The following DTNB variants were observed in gnomAD, a reference collection of about 807,000 sequenced individuals.
DTNB encodes dystrobrevin beta.
DTNB carries 63 observed loss-of-function variants against 90.7 expected under a neutral mutation model. The ratio of observed to expected loss-of-function variants is 0.69; its 90% CI spans 0.57 to 0.86. DTNB has a LOEUF of 0.86. Ranked by LOEUF, DTNB falls within the 40% of genes least tolerant of loss-of-function variation. The pLI is 0.00. For synonymous variants in DTNB, 277 were observed against 286.7 expected, an observed-to-expected ratio of 0.97 and a Z score of 0.34; for missense variants, 744 against 807.1, an observed-to-expected ratio of 0.92 and a Z score of 0.95.
chr2:25,601,116 ACAAT>A (rs1482436437), intron 5 of DTNB, among the ~76,000 whole-genome samples: 2 of 152,232 alleles, frequency 1.3e-5, no homozygotes, highest in Non-Finnish European at 2.9e-5. Context: ...ATGAAGTTTA[ACAAT>A]CAACCTAAGT....
intron 6 of DTNB, among the ~76,000 whole-genome samples, chr2:25,587,766 A>G (rs1572989987): frequency 6.6e-6 from 1 of 152,156 alleles, no homozygotes; most frequent in Admixed American, 6.5e-5. Flanking sequence ...GGTCTCTACA[A>G]TTTTGTTCAA....
chr2:25,451,875 C>T (rs367666616), intron 11 of DTNB, among the ~76,000 whole-genome samples: 1 of 152,348 alleles, frequency 6.6e-6, no homozygotes, highest in East Asian at 1.9e-4. Context: ...CAAAGGGGCA[C>T]TTCATTTTGA....
chr2:25,422,546 T>C (rs910329688), intron 15 of DTNB, among the ~76,000 whole-genome samples: 1 of 151,824 alleles, frequency 6.6e-6, no homozygotes. Flanking sequence ...CCTGGGATTA[T>C]AGGCATGCAC....
rs146234387 is a variant in DTNB at position 25,495,097 on chromosome 2, G to A, written c.1002-12224C>T. The stretch of plus-strand genomic sequence containing the variant: ...CTTTTTTTTTTTGAGTCAGGGTCTC[G>A]TTCTGTCACCCAGGCTGGAGTGCAG... On this transcript the variant is annotated intron_variant, in intron 9 of 20. Transcript: ENST00000406818. 3.9e-3 allele frequency among the ~76,000 whole-genome samples: 597 copies of A among 151,710 alleles called. 3 individuals carry two copies. Among genetic ancestry groups the A allele is most frequent in the African/African-American group, 0.013 (559 of 41,410 alleles).
chr2:25,603,462 A>C (rs1393515603), intron 5 of DTNB, among the ~76,000 whole-genome samples: 1 of 152,216 alleles, frequency 6.6e-6, no homozygotes, highest in African/African-American at 2.4e-5. Flanking sequence ...TCTGTAAATG[A>C]ATGCTACCTG....
At chr2:25,620,054 A>T (rs960578161) in intron 4 of DTNB, among the ~76,000 whole-genome samples, 2 of 152,216 alleles carry the variant, frequency 1.3e-5, no homozygotes, top group South Asian at 2.1e-4. Flanking sequence ...AAAATAATAA[A>T]AAAAAAATCT....
At chr2:25,384,793 C>T (rs1182802838) in intron 18 of DTNB, among the ~76,000 whole-genome samples, 1 of 152,130 alleles carries the variant, frequency 6.6e-6, no homozygotes, top group Admixed American at 6.5e-5. Flanking sequence ...CATGAATGAG[C>T]TCGCTGGAAA....
chr2:25,601,094 C>G (rs1210472159), intron 5 of DTNB, among the ~76,000 whole-genome samples: 1 of 152,094 alleles, frequency 6.6e-6, no homozygotes, highest in Admixed American at 6.5e-5. Context: ...ATTGCTAATT[C>G]TTAAATCTTA....
intron 8 of DTNB, among the ~76,000 whole-genome samples, chr2:25,571,764 C>T (rs2059901744): frequency 6.6e-6 from 1 of 152,152 alleles, no homozygotes; most frequent in Admixed American, 6.5e-5. Context: ...TCTGCCTCAG[C>T]CAGTTCCTTT....
At chr2:25,449,767 T>C (rs2058989849) in intron 12 of DTNB, among the ~76,000 whole-genome samples, 1 of 123,772 alleles carries the variant, frequency 8.1e-6, no homozygotes, top group Non-Finnish European at 1.9e-5. Flanking sequence ...TTTTTCTTTT[T>C]CTTTTTTTTT....
At chr2:25,647,025 C>T (rs954617463) in intron 2 of DTNB, among the ~76,000 whole-genome samples, 1 of 152,066 alleles carries the variant, frequency 6.6e-6, no homozygotes, top group African/African-American at 2.4e-5. Flanking sequence ...CTAGCTTATG[C>T]TACTTACAAG....
chr2:25,640,881 C>CT (rs1426586952), intron 2 of DTNB, among the ~76,000 whole-genome samples: 2 of 152,022 alleles, frequency 1.3e-5, no homozygotes, highest in African/African-American at 4.8e-5. Flanking sequence ...TGGTGGGCGC[C>CT]TGTAGTCCCA....
intron 2 of DTNB, among the ~76,000 whole-genome samples, chr2:25,642,577 A>G (rs1399923436): frequency 2.6e-5 from 4 of 151,098 alleles, no homozygotes; most frequent in African/African-American, 4.9e-5. Flanking sequence ...CACCCAGCTA[A>G]TTTTTTGTAT....
At chr2:25,506,016 T>C (rs2072317904) in intron 9 of DTNB, among the ~76,000 whole-genome samples, 1 of 152,234 alleles carries the variant, frequency 6.6e-6, no homozygotes, top group Non-Finnish European at 1.5e-5. Flanking sequence ...GAAGATTATA[T>C]GTTAACTGAA....
intron 8 of DTNB, among the ~76,000 whole-genome samples, chr2:25,573,485 G>A (rs1260236875): frequency 6.6e-6 from 1 of 152,124 alleles, no homozygotes; most frequent in Non-Finnish European, 1.5e-5. Flanking sequence ...CTAGGGTCTG[G>A]AAGCAGTCTG....
At chr2:25,517,495 G>A (rs1030941077) in intron 9 of DTNB, among the ~76,000 whole-genome samples, 9 of 152,092 alleles carry the variant, frequency 5.9e-5, no homozygotes, top group Admixed American at 3.9e-4. Flanking sequence ...TACCCATTAC[G>A]ATGGCTACTA....
chr2:25,513,726 C>G (rs1378367060), intron 9 of DTNB, among the ~76,000 whole-genome samples: 1 of 99,390 alleles, frequency 1.0e-5, no homozygotes, highest in Non-Finnish European at 2.0e-5. Flanking sequence ...AACTCCATCT[C>G]AAAGAAAAAA....
chr2:25,576,216 GTTTTGTTTTT>G (rs1433059439), intron 8 of DTNB, among the ~76,000 whole-genome samples: 142 of 130,272 alleles, frequency 1.1e-3, no homozygotes, highest in African/African-American at 3.8e-3. Context: ...CCCTTGAACA[GTTTTGTTTTT>G]TTTTTTTTTT....
intron 8 of DTNB, among the ~76,000 whole-genome samples, chr2:25,574,380 T>C (rs2060347877): frequency 6.6e-6 from 1 of 152,166 alleles, no homozygotes; most frequent in South Asian, 2.1e-4. Flanking sequence ...TTCTTTGTAA[T>C]AAAGGCAAAC....
Sources: allele counts gnomAD v4.1 joint callset (sites outside exome capture counted in the v4.1 genomes callset), GRCh38; gene constraint gnomAD v4.1.1; transcripts MANE v1.5; gene names NCBI Gene and HGNC (gene_info 2026-07-23, HGNC 2026-07-21).